The following TRPV1 variants were observed in gnomAD, a reference collection of about 807,000 sequenced individuals.
The protein encoded by TRPV1 is OTRPC1.
A neutral mutation model predicts 82.3 loss-of-function variants in TRPV1; 82 were observed. That is an observed-to-expected ratio of 1.00 (90% CI 0.83 to 1.20). The LOEUF (loss-of-function observed/expected upper bound fraction) is 1.20. Ranked by LOEUF, TRPV1 falls within the 50% of genes most tolerant of loss-of-function variation. The pLI is 0.00. For missense variants in TRPV1, 1,067 were observed against 1,096.8 expected (o/e 0.97, Z 0.38); for synonymous variants, 515 against 467.7 (o/e 1.10, Z -1.30).
chr17:3,581,929 A>G lies in TRPV1; in HGVS notation c.1477-1402T>C, dbSNP rs375040759. Among the ~76,000 whole-genome samples the G allele has an allele frequency of 5.2e-3, 687 of 130,992 alleles. 9 individuals carry two copies. Among genetic ancestry groups the G allele is most frequent in the African/African-American group, 0.012 (413 of 35,812 alleles). 85.9% of individuals were successfully genotyped at this position (130,992 alleles called of 152,430 possible). On this transcript the variant is annotated intron_variant, in intron 10 of 16. Coordinates refer to ENST00000572705, the MANE Select transcript of TRPV1 (RefSeq NM_080704.4). Reference sequence around the variant, plus strand: ...AATGGGGCCAGGCACAGTGGCTCACACCTGTAATCCCAGCACTTTGGGAGG... The same window carrying G: ...AATGGGGCCAGGCACAGTGGCTCACGCCTGTAATCCCAGCACTTTGGGAGG...
chr17:3,572,944 A>G lies in TRPV1; in HGVS notation c.2103+689T>C, dbSNP rs998214053. Among the ~76,000 whole-genome samples the G allele has an allele frequency of 2.2e-5, 3 of 138,422 alleles. No homozygotes were observed. The East Asian group carries it at 6.9e-4, about 32-fold the overall frequency. 90.8% of individuals were successfully genotyped at this position (138,422 alleles called of 152,430 possible). ...GTTGCAGTCAGCCAAGATCATGCCA[A>G]TGCACTCCAGCCTGGGTGACAGAGT... On this transcript the variant is annotated intron_variant, in intron 14 of 16. Coordinates refer to ENST00000572705, the MANE Select transcript of TRPV1 (RefSeq NM_080704.4).
chr17:3,601,994 G>A (rs1438033495), intron 2 of TRPV1: 1 of 152,144 alleles, frequency 6.6e-6, no homozygotes, highest in Non-Finnish European at 1.5e-5. Context: ...CAACAGTAAT[G>A]GCTGTGAATA....
In TRPV1 at chr17:3,592,377, G is replaced by GGATTC; in HGVS notation, c.-28_-27insGAATC. 6.4e-7 allele frequency: 1 copy of GGATTC among 1,568,154 alleles called. No individual in the cohort carries two copies. Among genetic ancestry groups the GGATTC allele is most frequent in the South Asian group, 1.2e-5 (1 of 86,710 alleles). Reference sequence around the variant, plus strand: ...CTTGCTGGATCCTCTGTGGCCCAGTGTGCAACCTGCAGCAGCCACCACGCC... The same window carrying GGATTC: ...CTTGCTGGATCCTCTGTGGCCCAGTGGATTCTGCAACCTGCAGCAGCCACCACGCC... On this transcript the variant is annotated 5_prime_UTR_variant, in exon 3 of 17. Transcript: ENST00000572705.
intron 9 of TRPV1, 55 bp downstream of exon 9, chr17:3,585,713 A>T: frequency 6.4e-7 from 1 of 1,573,538 alleles, no homozygotes; most frequent in Non-Finnish European, 8.6e-7. Flanking sequence ...AAATGTCCAC[A>T]CCCCTTCCCC....
chr17:3,579,283 G>A (rs1215937930), intron 11 of TRPV1, among the ~76,000 whole-genome samples: 3 of 152,082 alleles, frequency 2.0e-5, no homozygotes, highest in African/African-American at 7.2e-5. Context: ...GATGCGGTTT[G>A]TGAGTCGTAC....
rs1797797581 is a variant in TRPV1, at chr17:3,565,529, G to C, written c.*1286C>G. 1 of 152,278 alleles carries C rather than the reference G, an allele frequency of 6.6e-6. No individual in the cohort carries two copies. Among genetic ancestry groups the C allele is most frequent in the Non-Finnish European group, 1.5e-5 (1 of 68,080 alleles). The allele number at this position is 152,278 out of a possible 1,614,324, so 9.4% of individuals were successfully genotyped here. A position where few individuals can be genotyped will look rare whatever the true frequency, so the allele number is the denominator to read the frequency against. ...GCCATTGCGGAGAAGCAGGACTGGG[G>C]TTCCTAGAAATGGAAGATCTTTCAA... On this transcript the variant is annotated 3_prime_UTR_variant, in exon 17 of 17. Transcript: ENST00000572705.
At chr17:3,601,025 T>G (rs1220518334) in intron 2 of TRPV1, among the ~76,000 whole-genome samples, 1 of 150,726 alleles carries the variant, frequency 6.6e-6, no homozygotes, top group Non-Finnish European at 1.5e-5. Context: ...ACAAGCCCCC[T>G]CCCCCCAGCA....
chr17:3,590,516 G>A, intron 5 of TRPV1, 124 bp from the exon 6 acceptor site: 1 of 1,424,714 alleles, frequency 7.0e-7, no homozygotes, highest in African/African-American at 1.4e-5. Context: ...AAAGTGCCTG[G>A]AGGACCCCCC....
At chr17:3,594,988 C>A (rs901131261) in intron 2 of TRPV1, among the ~76,000 whole-genome samples, 1 of 152,122 alleles carries the variant, frequency 6.6e-6, no homozygotes, top group Non-Finnish European at 1.5e-5. Context: ...GCCTTAACTC[C>A]AAGGAATTGA....
In TRPV1 at chr17:3,591,170, C is replaced by G. The variant is rs1210810510; in HGVS notation, c.451+17G>C. The G allele has an allele frequency of 6.2e-7, 1 of 1,608,282 alleles. No homozygotes were observed. Among genetic ancestry groups the G allele is most frequent in the African/African-American group, 1.3e-5 (1 of 74,868 alleles). On this transcript the variant is annotated intron_variant, in intron 4 of 16. Transcript: ENST00000572705. ...GGCCAGGGCTGGGGCCCTCCCCGAG[C>G]CCAGCGCTGGGGCCACCTTTGAACT...
chr17:3,607,963 C>G (rs1458842704), intron 2 of TRPV1, among the ~76,000 whole-genome samples: 1 of 151,990 alleles, frequency 6.6e-6, no homozygotes, highest in Non-Finnish European at 1.5e-5. Flanking sequence ...GCCTGCAATC[C>G]TAGTACTTTG....
chr17:3,582,005 A>G (rs1290914669), intron 10 of TRPV1, among the ~76,000 whole-genome samples: 1 of 146,854 alleles, frequency 6.8e-6, no homozygotes, highest in Non-Finnish European at 1.5e-5. Context: ...CCTGGCTAAC[A>G]CGGTGAAACC....
chr17:3,577,289 C>G (rs1004054188), intron 12 of TRPV1, 97 bp from the exon 13 acceptor site: 5 of 1,327,622 alleles, frequency 3.8e-6, no homozygotes, highest in Non-Finnish European at 4.2e-6. Context: ...GTCTTGAGAA[C>G]GTGCAGGGCG....
rs199992542 is a variant in TRPV1 at position 3,573,913 on chromosome 17, G to A, written c.1823C>T (p.Pro608Leu). Residue 608 changes from proline to leucine, a missense_variant, in exon 14 of 17, where the codon CCG becomes CTG. Pro to Leu is a moderately conservative substitution (Grantham distance 98). Coordinates refer to ENST00000572705, the MANE Select transcript of TRPV1 (RefSeq NM_080704.4). ...CCACCTGTGCGACGTGGACTCAGACGGCAGGGAGTCATTCTTCCCGTCTTC... is the reference window on the plus strand; with the variant it reads ...CCACCTGTGCGACGTGGACTCAGACAGCAGGGAGTCATTCTTCCCGTCTTC... ...LIEDGKNDSL[P>L]SESTSHRWRG... is the part of the protein sequence containing the mutation. The A allele has an allele frequency of 4.7e-5, 75 of 1,607,720 alleles. No homozygotes were observed. The highest frequency in any genetic ancestry group is 1.7e-4 in the Middle Eastern group (1 of 6,038).
At chr17:3,580,322 G>A in intron 11 of TRPV1, 135 bp downstream of exon 11, 1 of 881,172 alleles carries the variant, frequency 1.1e-6, no homozygotes, top group Non-Finnish European at 1.9e-6. Flanking sequence ...TATGTATTCA[G>A]TGCCTTCCGT....
chr17:3,584,823 A>C (rs747929450), intron 9 of TRPV1, among the ~76,000 whole-genome samples: 17 of 152,334 alleles, frequency 1.1e-4, no homozygotes, highest in Middle Eastern at 3.4e-3. Context: ...GTAAGTAAGT[A>C]AACTTGTAAA....
Position 3,566,811 on chromosome 17 carries a change from G to T in TRPV1, c.*4C>A. 1 of 1,613,328 alleles carries T rather than the reference G, an allele frequency of 6.2e-7. No individual in the cohort carries two copies. The highest frequency in any genetic ancestry group is 8.5e-7 in the Non-Finnish European group (1 of 1,179,624). On this transcript the variant is annotated 3_prime_UTR_variant, in exon 17 of 17. Coordinates refer to ENST00000572705, the MANE Select transcript of TRPV1 (RefSeq NM_080704.4). ...GTGTTGACAGTGCTGTCTGCGTGAC[G>T]TCCTCACTTCTCCCCGGAAGCGGCA...
intron 2 of TRPV1, among the ~76,000 whole-genome samples, chr17:3,602,994 G>A (rs1219843123): frequency 6.6e-6 from 1 of 152,100 alleles, no homozygotes; most frequent in Non-Finnish European, 1.5e-5. Flanking sequence ...GGTGGTGCAT[G>A]CCTGTAATCC....
chr17:3,574,282 T>C (rs1452374545), intron 13 of TRPV1, among the ~76,000 whole-genome samples: 4 of 152,166 alleles, frequency 2.6e-5, no homozygotes, highest in South Asian at 4.1e-4. Flanking sequence ...CCTGCATCCC[T>C]CAGAGGTCCA....
Sources: gnomAD v4.1 joint callset for allele counts (sites outside exome capture counted in the v4.1 genomes callset) on GRCh38, gnomAD v4.1.1 for gene constraint, MANE v1.5 for transcripts, NCBI Gene and HGNC (gene_info 2026-07-23, HGNC 2026-07-21) for gene names.